Variants in DPF3 observed in about 807,000 individuals in gnomAD.
DPF3 encodes double PHD fingers 3.
Under a neutral mutation model 56.8 loss-of-function variants are expected in DPF3, and 18 were observed. That is an observed-to-expected ratio of 0.32 (90% confidence interval 0.22 to 0.47). The LOEUF (loss-of-function observed/expected upper bound fraction) is 0.47. DPF3 is among the 20% of genes least tolerant of loss of function. DPF3 has a pLI of 1.00. For missense variants in DPF3, 403 were observed against 488.8 expected (o/e 0.82, Z 1.65); for synonymous variants, 188 against 180.2 (o/e 1.04, Z -0.35).
At chr14:72,872,601 C>T (rs941150068) in intron 1 of DPF3, among the ~76,000 whole-genome samples, 2 of 152,186 alleles carry the variant, frequency 1.3e-5, no homozygotes, top group Non-Finnish European at 2.9e-5. Flanking sequence ...CAAAAAAGAG[C>T]CCGCATTGCC....
intron 8 of DPF3, among the ~76,000 whole-genome samples, chr14:72,640,082 G>GAAAAAAAAAAAAAAAAAAAAAAAA (rs1885509419): frequency 3.3e-5 from 2 of 61,088 alleles, no homozygotes; most frequent in South Asian, 4.8e-4. Context: ...AAAAAAAAAT[G>GAAAAAAAAAAAAAAAAAAAAAAAA]GAAACAGCAT....
intron 1 of DPF3, among the ~76,000 whole-genome samples, chr14:72,801,818 C>T (rs1892904199): frequency 6.6e-6 from 1 of 152,190 alleles, no homozygotes; most frequent in Non-Finnish European, 1.5e-5. Context: ...GACCTTTCAT[C>T]TCATGTCTCT....
intron 1 of DPF3, among the ~76,000 whole-genome samples, chr14:72,887,181 AC>A: frequency 6.9e-6 from 1 of 145,086 alleles, no homozygotes; most frequent in South Asian, 2.1e-4. Flanking sequence ...ACACACACAC[AC>A]ACACACACAC....
chr14:72,690,640 C>T (rs368623118), intron 7 of DPF3, among the ~76,000 whole-genome samples: 1 of 151,908 alleles, frequency 6.6e-6, no homozygotes, highest in South Asian at 2.1e-4. Flanking sequence ...TACACGCACA[C>T]ACACGCATAG....
rs141790533 is a variant in DPF3 at position 72,855,765 on chromosome 14, T to G, written c.32+38292A>C. 9.7e-4 allele frequency among the ~76,000 whole-genome samples: 148 copies of G among 152,262 alleles called. 1 individual carries two copies. Among genetic ancestry groups the G allele is most frequent in the Non-Finnish European group, 1.7e-3 (114 of 68,024 alleles). ...GTATGTAACCCACATATAAGTTCCA[T>G]CCAAAGCAACGCTTCCAAACCTAGC... On this transcript the variant is annotated intron_variant, in intron 1 of 10. Transcript: ENST00000556509.
chr14:72,677,799 C>T (rs369500391), intron 7 of DPF3, among the ~76,000 whole-genome samples: 5 of 152,170 alleles, frequency 3.3e-5, no homozygotes, highest in South Asian at 2.1e-4. Flanking sequence ...ACACAGAAGT[C>T]GGTAGCCAAT....
chr14:72,629,180 T>C (rs963947375), intron 9 of DPF3, among the ~76,000 whole-genome samples: 2 of 152,196 alleles, frequency 1.3e-5, no homozygotes, highest in Admixed American at 6.5e-5. Flanking sequence ...ATGAAGTAGT[T>C]ACAGGTAAAA....
At chr14:72,876,079 G>A (rs1363157945) in intron 1 of DPF3, among the ~76,000 whole-genome samples, 1 of 152,230 alleles carries the variant, frequency 6.6e-6, no homozygotes, top group Non-Finnish European at 1.5e-5. Flanking sequence ...AGAGAAGGAG[G>A]AGAAGGAGGA....
rs531312486 is a variant in DPF3 at position 72,840,073 on chromosome 14, C to T, written c.32+53984G>A. ...AAATACCTGACCTTGAAAAATTATA[C>T]GAATGCCAGCACACAGTACATACGC... On this transcript the variant is annotated intron_variant, in intron 1 of 10. Coordinates refer to ENST00000556509, the MANE Select transcript of DPF3 (RefSeq NM_001280542.3). 8.5e-5 allele frequency among the ~76,000 whole-genome samples: 13 copies of T among 152,314 alleles called. No homozygotes were observed. The East Asian group carries it at 2.3e-3, about 27-fold the overall frequency.
rs17120292 is a variant in DPF3, at chr14:72,755,476, C to T, written c.194-2105G>A. On this transcript the variant is annotated intron_variant, in intron 2 of 10. Coordinates refer to ENST00000556509, the MANE Select transcript of DPF3 (RefSeq NM_001280542.3). ...CAGTGCAAAGGAAGAGCACGTGAGT[C>T]CTGGGAAGCATCCTAACACCTTTCT... is the stretch of plus-strand genomic sequence containing the variant. Among the ~76,000 whole-genome samples, 579 of 152,236 alleles carry T rather than the reference C, an allele frequency of 3.8e-3. 9 individuals are homozygous for T. Among genetic ancestry groups the T allele is most frequent in the Admixed American group, 0.025 (385 of 15,296 alleles).
chr14:72,808,266 T>TA (rs1882879787), intron 1 of DPF3, among the ~76,000 whole-genome samples: 1 of 152,168 alleles, frequency 6.6e-6, no homozygotes, highest in Admixed American at 6.5e-5. Context: ...GTCACATTAA[T>TA]AACTTTAATT....
At chr14:72,719,933 A>G (rs1283632379) in intron 5 of DPF3, among the ~76,000 whole-genome samples, 1 of 152,158 alleles carries the variant, frequency 6.6e-6, no homozygotes, top group African/African-American at 2.4e-5. Context: ...AGCAGAGCCT[A>G]TTCTGTAATC....
At chr14:72,856,649 C>T (rs1885179503) in intron 1 of DPF3, among the ~76,000 whole-genome samples, 1 of 152,190 alleles carries the variant, frequency 6.6e-6, no homozygotes, top group Non-Finnish European at 1.5e-5. Flanking sequence ...CATGCCCTGG[C>T]TTAAGAGCAT....
intron 2 of DPF3, 89 bp from the exon 3 acceptor site, chr14:72,753,460 G>A (rs1331414114): frequency 9.6e-7 from 1 of 1,044,722 alleles, no homozygotes; most frequent in Non-Finnish European, 1.3e-6. Flanking sequence ...TTCACAAGGA[G>A]AGGAAGCTGA....
intron 1 of DPF3, among the ~76,000 whole-genome samples, chr14:72,805,443 C>A (rs1489823346): frequency 6.6e-6 from 1 of 151,686 alleles, no homozygotes; most frequent in African/African-American, 2.4e-5. Context: ...GCACTCCAGC[C>A]TGGGCAACAA....
chr14:72,880,985 C>T (rs574770264), intron 1 of DPF3, among the ~76,000 whole-genome samples: 3 of 152,326 alleles, frequency 2.0e-5, no homozygotes, highest in African/African-American at 7.2e-5. Context: ...TTCACTTCCT[C>T]TTTCAGATTG....
intron 7 of DPF3, among the ~76,000 whole-genome samples, chr14:72,675,219 A>G (rs1886858367): frequency 6.6e-6 from 1 of 152,252 alleles, no homozygotes; most frequent in Non-Finnish European, 1.5e-5. Flanking sequence ...AAAGCCTGTG[A>G]GGAGAATAGC....
At chr14:72,797,766 C>A (rs925057475) in intron 1 of DPF3, among the ~76,000 whole-genome samples, 2 of 152,158 alleles carry the variant, frequency 1.3e-5, no homozygotes, top group Non-Finnish European at 2.9e-5. Context: ...TGATCGAAAA[C>A]TAGACTGGTT....
chr14:72,695,760 T>C (rs990102571), intron 6 of DPF3, among the ~76,000 whole-genome samples: 5 of 152,158 alleles, frequency 3.3e-5, no homozygotes, highest in African/African-American at 1.2e-4. Context: ...TGTTCACTAA[T>C]TGGATGATGG....
Sources: allele counts gnomAD v4.1 joint callset (sites outside exome capture counted in the v4.1 genomes callset), GRCh38; gene constraint gnomAD v4.1.1; transcripts MANE v1.5; gene names NCBI Gene and HGNC (gene_info 2026-07-23, HGNC 2026-07-21).